The following TNRC6B variants were observed in gnomAD, a reference collection of about 807,000 sequenced individuals.
TNRC6B encodes trinucleotide repeat containing adaptor 6B.
TNRC6B carries 52 observed loss-of-function variants against 203.6 expected under a neutral mutation model. The observed-to-expected ratio is 0.26, with a 90% CI of 0.20 to 0.32. TNRC6B has a LOEUF of 0.32. Among genes scored for constraint, TNRC6B ranks in the 10% least tolerant of loss-of-function variants. TNRC6B has a pLI of 1.00. For synonymous variants in TNRC6B, 838 were observed against 845.7 expected (o/e 0.99, Z 0.16); for missense variants, 1,923 against 2,286.2 (o/e 0.84, Z 3.24).
upstream of TNRC6B, chr22:40,177,860 T>G: frequency 7.6e-7 from 1 of 1,316,984 alleles, no homozygotes; most frequent in Non-Finnish European, 9.6e-7. Context: ...CTTTCCTGAT[T>G]GACAAACCTA....
At chr22:40,250,411 C>G (rs574676423) in intron 2 of TNRC6B, among the ~76,000 whole-genome samples, 4 of 152,100 alleles carry the variant, frequency 2.6e-5, no homozygotes, top group Non-Finnish European at 5.9e-5. Context: ...GTCCAGCCTT[C>G]TAGGTTAATC....
At chr22:40,177,056 G>T (rs1265972749), upstream of TNRC6B, among the ~76,000 whole-genome samples, 1 of 152,194 alleles carries the variant, frequency 6.6e-6, no homozygotes, top group East Asian at 1.9e-4. Flanking sequence ...GAGCCGCGGG[G>T]GCTGGAGATG....
chr22:40,074,607 T>C (rs562081427), intron 1 of TNRC6B, among the ~76,000 whole-genome samples: 2 of 151,920 alleles, frequency 1.3e-5, no homozygotes, highest in East Asian at 3.9e-4. Context: ...TAAAACCCCG[T>C]CTCTACTAAA....
At chr22:40,250,725 A>G (rs903916408) in intron 2 of TNRC6B, among the ~76,000 whole-genome samples, 11 of 152,254 alleles carry the variant, frequency 7.2e-5, no homozygotes, top group African/African-American at 2.2e-4. Flanking sequence ...CTTTCCGACC[A>G]TGACGTCTGA....
chr22:40,130,924 C>A (rs139225737), intron 3 of TNRC6B, among the ~76,000 whole-genome samples: 1 of 149,572 alleles, frequency 6.7e-6, no homozygotes, highest in Non-Finnish European at 1.5e-5. Flanking sequence ...TTTTTTGAGA[C>A]AGAGTCTCGC....
chr22:40,287,396 A>G (rs1569055130), intron 12 of TNRC6B, among the ~76,000 whole-genome samples: 1 of 152,180 alleles, frequency 6.6e-6, no homozygotes, highest in Non-Finnish European at 1.5e-5. Context: ...TCTAGTTTTA[A>G]TGTTCTGAGT....
intron 3 of TNRC6B, among the ~76,000 whole-genome samples, chr22:40,126,280 G>A (rs992432570): frequency 2.6e-5 from 4 of 152,050 alleles, no homozygotes; most frequent in African/African-American, 7.2e-5. Context: ...AGAGGTACAC[G>A]TGCAGGTTTG....
intron 1 of TNRC6B, among the ~76,000 whole-genome samples, chr22:40,099,932 T>C (rs2068220036): frequency 1.3e-5 from 2 of 152,224 alleles, no homozygotes; most frequent in African/African-American, 4.8e-5. Context: ...TTTGTATTTT[T>C]AGCAGAGATG....
intron 2 of TNRC6B, among the ~76,000 whole-genome samples, chr22:40,118,544 G>A (rs916487465): frequency 1.3e-5 from 2 of 152,184 alleles, no homozygotes; most frequent in Non-Finnish European, 2.9e-5. Flanking sequence ...TAGAGGCACA[G>A]TAAATGTTTA....
Position 40,071,453 on chromosome 22 carries a change from C to T in TNRC6B, c.-121+26455C>T, listed in dbSNP as rs964883724. 6.6e-5 allele frequency among the ~76,000 whole-genome samples: 10 copies of T among 152,196 alleles called. 1 individual carries two copies. Among genetic ancestry groups the T allele is most frequent in the Non-Finnish European group, 1.5e-4 (10 of 68,028 alleles). On this transcript the variant is annotated intron_variant, in intron 1 of 23. Coordinates refer to the TNRC6B transcript ENST00000301923. ...ACATGCTTTCTCTGGACCGACTTTT[C>T]CTATTACCAGCGAATGTGGAAGCTT... is the stretch of plus-strand genomic sequence containing the variant.
chr22:40,132,969 A>AAAAAAAAAATATATATATATATATAT (rs1282694632), intron 3 of TNRC6B, among the ~76,000 whole-genome samples: 1 of 78,174 alleles, frequency 1.3e-5, no homozygotes, highest in African/African-American at 4.0e-5. Context: ...AAAAAAAAAA[A>AAAAAAAAAATATATATATATATATAT]ATATATATAT....
chr22:40,111,528 A>G (rs755892829), intron 1 of TNRC6B, among the ~76,000 whole-genome samples: 6 of 152,204 alleles, frequency 3.9e-5, no homozygotes, highest in Non-Finnish European at 7.3e-5. Context: ...GGAATAAGGA[A>G]GTATATACTA....
chr22:40,244,465 C>A (rs1601915317), intron 1 of TNRC6B, among the ~76,000 whole-genome samples: 1 of 144,198 alleles, frequency 6.9e-6, no homozygotes, highest in Non-Finnish European at 1.5e-5. Flanking sequence ...TTTTTTAAGT[C>A]TTTTTTTTTT....
At chr22:40,222,400 C>A (rs1371503951) in intron 1 of TNRC6B, among the ~76,000 whole-genome samples, 1 of 152,100 alleles carries the variant, frequency 6.6e-6, no homozygotes, top group East Asian at 1.9e-4. Flanking sequence ...GCAGTCCAGG[C>A]AGGGAAGTGC....
In TNRC6B at chr22:40,265,607, A is replaced by G; in HGVS notation, c.1377A>G (p.Gly459=). The change falls in exon 5 of 23, where the codon GGA becomes GGG. Residue 459 remains glycine (G), a synonymous_variant. Coordinates refer to ENST00000454349, the MANE Select transcript of TNRC6B (RefSeq NM_001162501.2). ...AAGAGAGAGAGGACTCCTGGAAAGG[A>G]GCTTCTGTTCAGAAATCAACTGGGT... ...NGKEREDSWK[G]ASVQKSTGSK... The G allele has an allele frequency of 1.9e-6, 3 of 1,613,848 alleles. No homozygotes were observed. The highest frequency in any genetic ancestry group is 2.5e-6 in the Non-Finnish European group (3 of 1,179,808).
intron 21 of TNRC6B, among the ~76,000 whole-genome samples, chr22:40,316,712 C>T (rs2071264258): frequency 6.6e-6 from 1 of 152,194 alleles, no homozygotes; most frequent in Non-Finnish European, 1.5e-5. Context: ...GTCTTGACTA[C>T]AGGAGTGGGT....
At chr22:40,241,497 C>T (rs2070028474) in intron 1 of TNRC6B, among the ~76,000 whole-genome samples, 1 of 152,136 alleles carries the variant, frequency 6.6e-6, no homozygotes, top group African/African-American at 2.4e-5. Flanking sequence ...GATTGCAGGC[C>T]AGTATATTTT....
In TNRC6B at chr22:40,328,802, C is replaced by T; in HGVS notation, c.*5561C>T. The T allele has an allele frequency of 6.6e-6, 1 of 152,104 alleles. No homozygotes were observed. The highest frequency in any genetic ancestry group is 6.6e-5 in the Admixed American group (1 of 15,256). The allele number at this position is 152,104 out of a possible 1,614,324, so 9.4% of individuals were successfully genotyped here. ...ATTGAGTCTTTATGTAGAAAAGATC[C>T]ATTTTTTCCCCATCCTCAGAGTTAA... On this transcript the variant is annotated 3_prime_UTR_variant, in exon 23 of 23. Transcript: ENST00000454349.
At chr22:40,303,959 A>C (rs1373792706) in intron 15 of TNRC6B, among the ~76,000 whole-genome samples, 1 of 152,196 alleles carries the variant, frequency 6.6e-6, no homozygotes, top group African/African-American at 2.4e-5. Flanking sequence ...GTTTGAATTG[A>C]AGAATACATT....
Sources: gnomAD v4.1 joint callset for allele counts (sites outside exome capture counted in the v4.1 genomes callset) on GRCh38, gnomAD v4.1.1 for gene constraint, MANE v1.5 for transcripts, NCBI Gene and HGNC (gene_info 2026-07-23, HGNC 2026-07-21) for gene names.